Variants in GRK5 observed in about 807,000 individuals in gnomAD.
GRK5 encodes G protein-coupled receptor kinase 5.
Under a neutral mutation model 78.4 loss-of-function variants are expected in GRK5, and 40 were observed. That is an observed-to-expected ratio of 0.51 (90% confidence interval 0.40 to 0.66). The LOEUF (loss-of-function observed/expected upper bound fraction) is 0.66, where lower values mean the gene tolerates loss of function less well. Ranked by LOEUF, GRK5 falls within the 30% of genes least tolerant of loss-of-function variation. The pLI, the probability that GRK5 is intolerant of heterozygous loss-of-function variation, is 0.00. For synonymous variants in GRK5, 289 were observed against 296.8 expected (o/e 0.97, Z 0.27); for missense variants, 598 against 759.9 (o/e 0.79, Z 2.50).
intron 1 of GRK5, among the ~76,000 whole-genome samples, chr10:119,303,342 G>A (rs1307327478): frequency 1.3e-5 from 2 of 152,196 alleles, no homozygotes. Context: ...GGAGGTGGAG[G>A]TGTTACCTTA....
intron 1 of GRK5, among the ~76,000 whole-genome samples, chr10:119,294,756 A>C (rs1850048624): frequency 6.6e-6 from 1 of 152,206 alleles, no homozygotes; most frequent in South Asian, 2.1e-4. Flanking sequence ...AAAGTTCTTT[A>C]GTTCTTTTGG....
In GRK5 at chr10:119,457,450, T is replaced by G. The variant is rs1416949590; in HGVS notation, c.*2383T>G. On this transcript the variant is annotated 3_prime_UTR_variant, in exon 16 of 16. Transcript: ENST00000392870. ...GCCTGCACGTGGACTCTATGATAAC[T>G]TGAGTCTTCCATCATGTTTGCCACC... 6.6e-6 allele frequency: 1 copy of G among 152,172 alleles called. No individual in the cohort carries two copies. The highest frequency in any genetic ancestry group is 2.4e-5 in the African/African-American group (1 of 41,418). The allele number at this position is 152,172 out of a possible 1,614,324, so 9.4% of individuals were successfully genotyped here.
intron 13 of GRK5, among the ~76,000 whole-genome samples, chr10:119,449,775 C>T (rs1480035365): frequency 2.6e-5 from 4 of 152,270 alleles, no homozygotes; most frequent in Admixed American, 6.5e-5. Flanking sequence ...GGCGACGGAG[C>T]GAGACTGCAT....
chr10:119,387,049 G>A (rs1001194010), intron 3 of GRK5, among the ~76,000 whole-genome samples: 2 of 152,174 alleles, frequency 1.3e-5, no homozygotes, highest in South Asian at 4.2e-4. Flanking sequence ...GTGTTGCCCA[G>A]GCTGGAGTGC....
At chr10:119,423,112 G>A in intron 4 of GRK5, 54 bp from the exon 5 acceptor site, 1 of 1,243,892 alleles carries the variant, frequency 8.0e-7, no homozygotes. Flanking sequence ...GGCAAACCCG[G>A]CCGCACTGCT....
At chr10:119,223,916 G>C in intron 1 of GRK5, among the ~76,000 whole-genome samples, 1 of 151,986 alleles carries the variant, frequency 6.6e-6, no homozygotes, top group Non-Finnish European at 1.5e-5. Flanking sequence ...GCTCTTTGGA[G>C]GTATCCAGGA....
chr10:119,420,345 C>CAA (rs869198771), intron 4 of GRK5, among the ~76,000 whole-genome samples: 1 of 71,166 alleles, frequency 1.4e-5, no homozygotes, highest in Admixed American at 1.7e-4. Flanking sequence ...CTAAAACAAA[C>CAA]AAACAAACAA....
chr10:119,360,948 C>A (rs1036765410), intron 2 of GRK5, among the ~76,000 whole-genome samples: 19 of 152,196 alleles, frequency 1.2e-4, no homozygotes, highest in Non-Finnish European at 2.5e-4. Context: ...TAGTCGCTGC[C>A]TTTCCCTCCC....
chr10:119,310,913 GC>G (rs2133737458), intron 1 of GRK5, among the ~76,000 whole-genome samples: 1 of 152,316 alleles, frequency 6.6e-6, no homozygotes, highest in East Asian at 1.9e-4. Context: ...CAGCAGCCCA[GC>G]CCTCCCCGTC....
In GRK5 at chr10:119,402,823, C is replaced by T. The variant is rs542113836; in HGVS notation, c.339+6051C>T. ...GAGCCAAGGTCGTGCCACTGCACTC[C>T]AGCCTGGGTGACAGAGCAAGACTCC... On this transcript the variant is annotated intron_variant, in intron 4 of 15. Coordinates refer to ENST00000392870, the MANE Select transcript of GRK5 (RefSeq NM_005308.3). Among the ~76,000 whole-genome samples the T allele has an allele frequency of 6.8e-4, 104 of 152,332 alleles. No homozygotes were observed. In the South Asian group the frequency reaches 0.013, roughly 19 times the overall value.
chr10:119,447,224 C>G (rs952198863), intron 12 of GRK5, among the ~76,000 whole-genome samples: 3 of 152,162 alleles, frequency 2.0e-5, no homozygotes, highest in African/African-American at 4.8e-5. Context: ...AAGACTCTTC[C>G]TCTCCTAGTA....
At chr10:119,297,736 A>C (rs1850107645) in intron 1 of GRK5, among the ~76,000 whole-genome samples, 2 of 152,304 alleles carry the variant, frequency 1.3e-5, no homozygotes, top group Admixed American at 1.3e-4. Flanking sequence ...ATGTAGCGCG[A>C]AGGCCCTTGC....
chr10:119,235,733 T>C (rs1848914079), intron 1 of GRK5, among the ~76,000 whole-genome samples: 1 of 152,230 alleles, frequency 6.6e-6, no homozygotes, highest in Non-Finnish European at 1.5e-5. Context: ...TAAGGTGGAC[T>C]TGGGGACTGA....
chr10:119,327,761 G>A (rs759622517), intron 2 of GRK5, among the ~76,000 whole-genome samples: 1 of 152,196 alleles, frequency 6.6e-6, no homozygotes, highest in Non-Finnish European at 1.5e-5. Context: ...GTGATAGGAG[G>A]CCATCTGTGC....
intron 1 of GRK5, among the ~76,000 whole-genome samples, chr10:119,306,253 A>G (rs1850270429): frequency 6.6e-6 from 1 of 152,188 alleles, no homozygotes; most frequent in Non-Finnish European, 1.5e-5. Flanking sequence ...CTAACAGGCC[A>G]TCTGTGTGAG....
At position 119,430,528 on chromosome 10, in the gene GRK5, C is replaced by T. The variant is rs10787967; in HGVS notation, c.597+90C>T. 16 of 1,234,496 alleles carry T rather than the reference C, an allele frequency of 1.3e-5. No individual in the cohort carries two copies. Among genetic ancestry groups the T allele is most frequent in the South Asian group, 8.0e-5 (6 of 75,300 alleles). The allele number at this position is 1,234,496 out of a possible 1,614,324, so 76.5% of individuals were successfully genotyped here. ...TAAATCAACCTAAAGGGTTGGCCCA[C>T]GGGTCCCCCGGGGGCACCAGTGGCT... On this transcript the variant is annotated intron_variant, in intron 7 of 15. Transcript: ENST00000392870. The surrounding 1 kb of genome is among the most constrained non-coding windows in gnomAD (Gnocchi z 4.5).
chr10:119,448,693 C>G (rs1412951953), intron 13 of GRK5, among the ~76,000 whole-genome samples: 1 of 152,154 alleles, frequency 6.6e-6, no homozygotes, highest in Non-Finnish European at 1.5e-5. Context: ...TCGAGCACTA[C>G]TGTTGACGCC....
intron 2 of GRK5, among the ~76,000 whole-genome samples, chr10:119,335,665 C>T (rs1248431779): frequency 3.9e-5 from 6 of 152,234 alleles, no homozygotes; most frequent in Non-Finnish European, 7.3e-5. Context: ...GCCCAGCCTG[C>T]GCATGTTCTT....
chr10:119,355,466 T>G (rs552714406), intron 2 of GRK5, among the ~76,000 whole-genome samples: 101 of 152,262 alleles, frequency 6.6e-4, no homozygotes, highest in Non-Finnish European at 1.2e-3. Flanking sequence ...TGGAAAATAT[T>G]AAAAGGTATA....
Sources: allele counts gnomAD v4.1 joint callset (sites outside exome capture counted in the v4.1 genomes callset), GRCh38; gene constraint gnomAD v4.1.1; non-coding constraint Gnocchi (gnomAD v3.1); transcripts MANE v1.5; gene names NCBI Gene and HGNC (gene_info 2026-07-23, HGNC 2026-07-21).